The following CDH12 variants were observed in gnomAD, a reference collection of about 807,000 sequenced individuals.
CDH12 encodes the protein cadherin 12.
A neutral mutation model predicts 74.1 loss-of-function variants in CDH12; 41 were observed. The ratio of observed to expected loss-of-function variants is 0.55; its 90% CI spans 0.43 to 0.72. CDH12 has a LOEUF of 0.72. CDH12 is among the 30% of genes least tolerant of loss of function. The pLI is 0.00. For synonymous variants in CDH12, 399 were observed against 355.0 expected (o/e 1.12, Z -1.39); for missense variants, 945 against 977.2 (o/e 0.97, Z 0.44).
chr5:22,502,434 C>T (rs192979300), intron 2 of CDH12, among the ~76,000 whole-genome samples: 39 of 152,090 alleles, frequency 2.6e-4, no homozygotes, highest in Non-Finnish European at 4.0e-4. Flanking sequence ...GTCTCAGGTA[C>T]GTCTTTATTA....
chr5:22,706,956 C>G (rs549681671), intron 1 of CDH12, among the ~76,000 whole-genome samples: 1 of 152,234 alleles, frequency 6.6e-6, no homozygotes, highest in Non-Finnish European at 1.5e-5. Context: ...ACAAGACAGG[C>G]TCATTTCAGA....
Position 21,754,157 on chromosome 5 carries a change from G to A in CDH12, c.1885+1434C>T, listed in dbSNP as rs1744251505. Among the ~76,000 whole-genome samples the A allele has an allele frequency of 3.3e-5, 5 of 152,238 alleles. 1 individual carries two copies. The South Asian group carries it at 1.0e-3, about 32-fold the overall frequency. On this transcript the variant is annotated intron_variant, in intron 14 of 14. Transcript: ENST00000382254. ...AAATGATTTTGTATAAGGTTGTGATGGCCTTTGTGCGGGGTTGTGATTTTT... is the reference window on the plus strand; with the variant it reads ...AAATGATTTTGTATAAGGTTGTGATAGCCTTTGTGCGGGGTTGTGATTTTT...
intron 5 of CDH12, among the ~76,000 whole-genome samples, chr5:22,000,061 A>G (rs1174717996): frequency 1.3e-5 from 2 of 151,960 alleles, no homozygotes; most frequent in Non-Finnish European, 2.9e-5. Context: ...ATTTGCTGTT[A>G]TTAATGAAGT....
intron 4 of CDH12, among the ~76,000 whole-genome samples, chr5:22,174,876 T>A (rs571311011): frequency 6.6e-6 from 1 of 152,092 alleles, no homozygotes; most frequent in Non-Finnish European, 1.5e-5. Context: ...GTCTTTAAAT[T>A]GTATTAATTT....
intron 3 of CDH12, among the ~76,000 whole-genome samples, chr5:22,213,002 C>T (rs1751629843): frequency 6.6e-6 from 1 of 152,134 alleles, no homozygotes; most frequent in African/African-American, 2.4e-5. Context: ...AATGTGCTTT[C>T]TCCTGCTGTT....
At chr5:22,391,813 A>C (rs1742260415) in intron 3 of CDH12, among the ~76,000 whole-genome samples, 1 of 152,196 alleles carries the variant, frequency 6.6e-6, no homozygotes, top group Non-Finnish European at 1.5e-5. Flanking sequence ...GAAACCTAAG[A>C]AAGCAGAAAC....
At chr5:22,357,951 T>C (rs948308880) in intron 3 of CDH12, among the ~76,000 whole-genome samples, 2 of 152,222 alleles carry the variant, frequency 1.3e-5, no homozygotes, top group African/African-American at 4.8e-5. Flanking sequence ...TTCTGTTTGG[T>C]ATTTAATGTA....
chr5:22,653,964 T>C (rs1739875465), intron 1 of CDH12, among the ~76,000 whole-genome samples: 1 of 152,154 alleles, frequency 6.6e-6, no homozygotes, highest in African/African-American at 2.4e-5. Flanking sequence ...TCTATTCTCA[T>C]GGCTTGAAAT....
Position 21,883,354 on chromosome 5 carries a change from A to G in CDH12, c.527-28564T>C. 2.0e-6 allele frequency: 3 copies of G among 1,530,316 alleles called. No individual in the cohort carries two copies. The South Asian group carries it at 3.4e-5, about 17-fold the overall frequency. The allele number at this position is 1,530,316 out of a possible 1,614,324, so 94.8% of individuals were successfully genotyped here. On this transcript the variant is annotated intron_variant, in intron 6 of 14. Coordinates refer to ENST00000382254, the MANE Select transcript of CDH12 (RefSeq NM_004061.5). Reference sequence around the variant, plus strand: ...AGTGAAAAGAAAATTTCTAGTGTCCAGTCCATTGTACCTGCTCTTGAAATT... The same window carrying G: ...AGTGAAAAGAAAATTTCTAGTGTCCGGTCCATTGTACCTGCTCTTGAAATT...
chr5:22,779,775 C>T (rs977955597), intron 1 of CDH12, among the ~76,000 whole-genome samples: 39 of 152,122 alleles, frequency 2.6e-4, no homozygotes, highest in African/African-American at 8.4e-4. Context: ...TTTCCTGAGG[C>T]CTCCTCAGCC....
At chr5:22,498,476 C>T (rs551538426) in intron 2 of CDH12, among the ~76,000 whole-genome samples, 1 of 151,830 alleles carries the variant, frequency 6.6e-6, no homozygotes, top group South Asian at 2.1e-4. Context: ...ATAATCCATC[C>T]CCCTACTGAT....
intron 2 of CDH12, among the ~76,000 whole-genome samples, chr5:22,501,247 G>A (rs975248912): frequency 6.6e-6 from 1 of 152,240 alleles, no homozygotes; most frequent in Middle Eastern, 3.4e-3. Flanking sequence ...GTGATTTTAA[G>A]AGCATCGTGT....
chr5:22,497,135 C>T (rs541965174), intron 2 of CDH12, among the ~76,000 whole-genome samples: 8 of 152,244 alleles, frequency 5.3e-5, no homozygotes, highest in South Asian at 2.1e-4. Flanking sequence ...CATAGAATAA[C>T]GCCTGACATA....
chr5:21,856,825 C>G (rs776484922), intron 6 of CDH12, among the ~76,000 whole-genome samples: 1 of 151,812 alleles, frequency 6.6e-6, no homozygotes, highest in Non-Finnish European at 1.5e-5. Flanking sequence ...GCAAGAATAA[C>G]TGCATTCCTA....
chr5:21,817,538 T>TGATA (rs759136259), intron 8 of CDH12, among the ~76,000 whole-genome samples: 1 of 151,708 alleles, frequency 6.6e-6, no homozygotes. Flanking sequence ...GATAGATAGA[T>TGATA]GATAGATAGA....
chr5:22,252,041 A>T (rs1261326815), intron 3 of CDH12, among the ~76,000 whole-genome samples: 1 of 152,090 alleles, frequency 6.6e-6, no homozygotes, highest in Non-Finnish European at 1.5e-5. Context: ...AATGGTATCT[A>T]AATACATTGA....
intron 3 of CDH12, among the ~76,000 whole-genome samples, chr5:22,383,032 A>G (rs890290954): frequency 6.6e-6 from 1 of 152,012 alleles, no homozygotes; most frequent in Non-Finnish European, 1.5e-5. Flanking sequence ...GGATTTCACT[A>G]TGTTGGCCAG....
chr5:22,136,849 C>G (rs1342565168), intron 4 of CDH12, among the ~76,000 whole-genome samples: 2 of 151,438 alleles, frequency 1.3e-5, no homozygotes, highest in Non-Finnish European at 2.9e-5. Flanking sequence ...TGTGATGAAG[C>G]CTATATCATT....
At chr5:22,378,343 T>C (rs780113369) in intron 3 of CDH12, among the ~76,000 whole-genome samples, 4 of 152,174 alleles carry the variant, frequency 2.6e-5, no homozygotes, top group Non-Finnish European at 4.4e-5. Flanking sequence ...AAAAACTATT[T>C]CATTGTAAAT....
Sources: gnomAD v4.1 joint callset for allele counts (sites outside exome capture counted in the v4.1 genomes callset) on GRCh38, gnomAD v4.1.1 for gene constraint, MANE v1.5 for transcripts, NCBI Gene and HGNC (gene_info 2026-07-23, HGNC 2026-07-21) for gene names.